GOPC: variants seen among roughly 807,000 people sequenced by gnomAD.
GOPC encodes Golgi-associated PDZ and coiled-coil motif-containing protein.
In GOPC, 32 loss-of-function variants were observed where a neutral mutation model predicts 51.2. The observed-to-expected ratio is 0.63, with a 90% CI of 0.47 to 0.84. The LOEUF (loss-of-function observed/expected upper bound fraction) is 0.84, where lower values mean the gene tolerates loss of function less well. Among genes scored for constraint, GOPC ranks in the 40% least tolerant of loss-of-function variants. GOPC has a pLI of 0.00. For synonymous variants in GOPC, 190 were observed against 205.1 expected, an observed-to-expected ratio of 0.93 and a Z score of 0.63; for missense variants, 441 against 555.5, an observed-to-expected ratio of 0.79 and a Z score of 2.07.
At chr6:117,582,857 A>G (rs974738766) in intron 1 of GOPC, among the ~76,000 whole-genome samples, 1 of 151,644 alleles carries the variant, frequency 6.6e-6, no homozygotes, top group Non-Finnish European at 1.5e-5. Context: ...TTCGGGACCC[A>G]CCAAGTGCAG....
intron 8 of GOPC, among the ~76,000 whole-genome samples, chr6:117,566,277 G>T (rs1347944442): frequency 6.6e-6 from 1 of 152,094 alleles, no homozygotes; most frequent in Non-Finnish European, 1.5e-5. Context: ...CATGAACTCT[G>T]CTAAAATATC....
intron 1 of GOPC, among the ~76,000 whole-genome samples, chr6:117,594,592 A>G (rs924991075): frequency 2.6e-5 from 4 of 152,194 alleles, no homozygotes; most frequent in African/African-American, 7.2e-5. Context: ...ATTCGTGTTC[A>G]TAAGTGCGTA....
At chr6:117,601,786 T>C (rs1221918558) in intron 1 of GOPC, among the ~76,000 whole-genome samples, 1 of 152,116 alleles carries the variant, frequency 6.6e-6, no homozygotes, top group Non-Finnish European at 1.5e-5. Flanking sequence ...AGAGAGATAC[T>C]AGGAAGGTGG....
chr6:117,571,597 T>A (rs956238650), intron 5 of GOPC, among the ~76,000 whole-genome samples: 1 of 152,062 alleles, frequency 6.6e-6, no homozygotes. Context: ...GCAACTACCA[T>A]CCTCCCCCTT....
intron 3 of GOPC, among the ~76,000 whole-genome samples, chr6:117,576,842 A>G (rs1404848120): frequency 6.6e-6 from 1 of 152,134 alleles, no homozygotes; most frequent in Admixed American, 6.5e-5. Flanking sequence ...TTACATTTAG[A>G]TACCAAAGAT....
intron 1 of GOPC, among the ~76,000 whole-genome samples, chr6:117,587,387 C>T (rs1157366618): frequency 6.6e-6 from 1 of 152,086 alleles, no homozygotes; most frequent in East Asian, 1.9e-4. Flanking sequence ...ACCAGGCATA[C>T]ATAACTACTA....
Position 117,577,364 on chromosome 6 carries a change from G to T in GOPC, c.474+84C>A. On this transcript the variant is annotated intron_variant, in intron 3 of 8. Transcript: ENST00000368498. The stretch of plus-strand genomic sequence containing the variant: ...TATTAATGCTATTTTCAAATACAAT[G>T]AGTGACAACATATAATATGCAAATA... 4 of 1,234,768 alleles carry T rather than the reference G, an allele frequency of 3.2e-6. No homozygotes were observed. The South Asian group carries it at 4.2e-5, about 13-fold the overall frequency. 76.5% of individuals were successfully genotyped at this position (1,234,768 alleles called of 1,614,324 possible).
intron 1 of GOPC, among the ~76,000 whole-genome samples, chr6:117,582,183 T>C (rs1211885380): frequency 6.6e-6 from 1 of 151,848 alleles, no homozygotes; most frequent in African/African-American, 2.4e-5. Flanking sequence ...CTTGCCTATT[T>C]TTCTAGAGAG....
At chr6:117,592,723 G>A (rs1228343093) in intron 1 of GOPC, among the ~76,000 whole-genome samples, 2 of 152,206 alleles carry the variant, frequency 1.3e-5, no homozygotes, top group East Asian at 3.9e-4. Flanking sequence ...TTCTAAATAA[G>A]GTCACATTCT....
intron 1 of GOPC, among the ~76,000 whole-genome samples, chr6:117,581,781 T>C (rs1203788771): frequency 6.6e-6 from 1 of 152,206 alleles, no homozygotes; most frequent in African/African-American, 2.4e-5. Flanking sequence ...TGGATGGGCA[T>C]TTGTGTTGTT....
Position 117,563,165 on chromosome 6 carries a change from C to G in GOPC, c.*89G>C. The stretch of plus-strand genomic sequence containing the variant: ...TTCATTTAGGCAACAAACAGCCTCC[C>G]CTGATTTTGTAGTCTTTGTCACCAT... On this transcript the variant is annotated 3_prime_UTR_variant, in exon 9 of 9. Coordinates refer to ENST00000368498, the MANE Select transcript of GOPC (RefSeq NM_020399.4). 8.0e-7 allele frequency: 1 copy of G among 1,249,690 alleles called. No homozygotes were observed. The highest frequency in any genetic ancestry group is 2.3e-5 in the East Asian group (1 of 42,694). 77.4% of individuals were successfully genotyped at this position (1,249,690 alleles called of 1,614,324 possible). A position where few individuals can be genotyped will look rare whatever the true frequency, so the allele number is the denominator to read the frequency against.
chr6:117,590,429 G>T (rs1780099524), intron 1 of GOPC, among the ~76,000 whole-genome samples: 1 of 151,864 alleles, frequency 6.6e-6, no homozygotes, highest in South Asian at 2.1e-4. Flanking sequence ...AGAATTAGCT[G>T]GGCGTGGTGG....
At chr6:117,574,809 G>A (rs1337275562) in intron 4 of GOPC, among the ~76,000 whole-genome samples, 6 of 152,160 alleles carry the variant, frequency 3.9e-5, no homozygotes, top group Non-Finnish European at 5.9e-5. Context: ...GGCCAGGTGC[G>A]GTGGCTCACA....
intron 2 of GOPC, 92 bp downstream of exon 2, chr6:117,578,808 C>T: frequency 1.4e-6 from 1 of 734,100 alleles, no homozygotes; most frequent in Non-Finnish European, 2.0e-6. Context: ...ACAATAAGCA[C>T]ATATATTTTA....
rs1264525267 is a variant in GOPC at position 117,579,007 on chromosome 6, A to G, written c.343T>C (p.Leu115=). The stretch of plus-strand genomic sequence containing the variant: ...AGCTGATCATGTACTTCTTTCTCCA[A>G]AACAACTTTCTCTGCTTGGGTTTCT... ...LTETQAEKVV[L]EKEVHDQLLQ... Residue 115 remains leucine, a synonymous_variant, in exon 2 of 9, where the codon TTG becomes CTG. Transcript: ENST00000368498. 1.2e-6 allele frequency: 2 copies of G among 1,611,566 alleles called. No individual in the cohort carries two copies. Among genetic ancestry groups the G allele is most frequent in the Non-Finnish European group, 1.7e-6 (2 of 1,178,958 alleles).
intron 8 of GOPC, among the ~76,000 whole-genome samples, chr6:117,564,619 G>T (rs1312841134): frequency 2.0e-5 from 3 of 152,070 alleles, no homozygotes; most frequent in African/African-American, 7.2e-5. Context: ...AAGTGAGTCA[G>T]TTAAAAGATA....
intron 2 of GOPC, 88 bp from the exon 3 acceptor site, chr6:117,577,559 C>T (rs1050202230): frequency 9.7e-7 from 1 of 1,028,842 alleles, no homozygotes; most frequent in Admixed American, 2.6e-5. Context: ...AGGAAAAATC[C>T]CACATGTTGG....
At chr6:117,589,721 A>G (rs1780087774) in intron 1 of GOPC, among the ~76,000 whole-genome samples, 2 of 152,220 alleles carry the variant, frequency 1.3e-5, no homozygotes, top group African/African-American at 4.8e-5. Flanking sequence ...TAAATCTGAC[A>G]AGTAATTTGC....
At chr6:117,584,137 C>T (rs184739665) in intron 1 of GOPC, among the ~76,000 whole-genome samples, 22 of 152,294 alleles carry the variant, frequency 1.4e-4, no homozygotes, top group Non-Finnish European at 2.2e-4. Flanking sequence ...CAACCACAAC[C>T]TCAAAGTGTT....
Sources: gnomAD v4.1 joint callset for allele counts (sites outside exome capture counted in the v4.1 genomes callset) on GRCh38, gnomAD v4.1.1 for gene constraint, MANE v1.5 for transcripts, NCBI Gene and HGNC (gene_info 2026-07-23, HGNC 2026-07-21) for gene names.